The following GRK7 variants were observed in gnomAD, a reference collection of about 807,000 sequenced individuals.
The protein encoded by GRK7 is G protein-coupled receptor kinase 7.
GRK7 carries 24 observed loss-of-function variants against 34.1 expected under a neutral mutation model. That is an observed-to-expected ratio of 0.70 (90% CI 0.51 to 0.99). The LOEUF is 0.99. Among genes scored for constraint, GRK7 ranks in the 50% least tolerant of loss-of-function variants. The pLI is 0.00. For missense variants in GRK7, 644 were observed against 707.3 expected (o/e 0.91, Z 1.02); for synonymous variants, 256 against 279.4 (o/e 0.92, Z 0.84).
At chr3:141,781,035 G>A (rs1432991509) in intron 4 of GRK7, among the ~76,000 whole-genome samples, 3 of 152,288 alleles carry the variant, frequency 2.0e-5, no homozygotes, top group African/African-American at 7.2e-5. Context: ...GGATGGGGGA[G>A]CCTCCTTTGT....
At chr3:141,757,129 C>CT in the GRK7 span, among the ~76,000 whole-genome samples, 509 of 101,280 alleles carry the variant, frequency 5.0e-3, 1 homozygote, top group Non-Finnish European at 6.2e-3. Flanking sequence ...AGATCTTCTT[C>CT]TTTTTTTTTT....
the GRK7 span, among the ~76,000 whole-genome samples, chr3:141,755,028 A>C: frequency 1.3e-5 from 2 of 152,224 alleles, no homozygotes; most frequent in African/African-American, 4.8e-5. Context: ...ATGATGTTAC[A>C]TAAGCTGTAA....
At chr3:141,777,725 C>T (rs1300151061) in intron 2 of GRK7, among the ~76,000 whole-genome samples, 3 of 151,790 alleles carry the variant, frequency 2.0e-5, no homozygotes, top group African/African-American at 4.8e-5. Flanking sequence ...GAACACATCT[C>T]GGGACTCAAA....
chr3:141,799,259 G>A (rs1181796788), intron 4 of GRK7, among the ~76,000 whole-genome samples: 1 of 152,166 alleles, frequency 6.6e-6, no homozygotes, highest in Non-Finnish European at 1.5e-5. Context: ...AGGGAACTTG[G>A]AGGGGTAAGA....
chr3:141,813,126 G>A (rs1297928700), intron 5 of GRK7, among the ~76,000 whole-genome samples: 1 of 151,834 alleles, frequency 6.6e-6, no homozygotes, highest in Admixed American at 6.6e-5. Context: ...TTGTTCGTTT[G>A]TTTGTTTGTT....
chr3:141,790,856 G>T (rs562588473), intron 4 of GRK7, among the ~76,000 whole-genome samples: 2 of 151,874 alleles, frequency 1.3e-5, no homozygotes, highest in Non-Finnish European at 2.9e-5. Flanking sequence ...AAGCCACCGC[G>T]CCCGGTCAAC....
At chr3:141,757,129 C>CTTTTTTTTTCT in the GRK7 span, among the ~76,000 whole-genome samples, 1 of 101,362 alleles carries the variant, frequency 9.9e-6, no homozygotes, top group Non-Finnish European at 1.9e-5. Context: ...AGATCTTCTT[C>CTTTTTTTTTCT]TTTTTTTTTT....
chr3:141,757,392 G>C, the GRK7 span, among the ~76,000 whole-genome samples: 2 of 134,414 alleles, frequency 1.5e-5, no homozygotes, highest in African/African-American at 5.6e-5. Context: ...CTATGAGTGA[G>C]AATATGCGGT....
At chr3:141,789,723 GT>G (rs2084714789) in intron 4 of GRK7, among the ~76,000 whole-genome samples, 1 of 149,616 alleles carries the variant, frequency 6.7e-6, no homozygotes, top group African/African-American at 2.5e-5. Flanking sequence ...GGTTTGAAAA[GT>G]TTAAAACCTT....
At chr3:141,756,003 C>A in the GRK7 span, among the ~76,000 whole-genome samples, 1 of 126,652 alleles carries the variant, frequency 7.9e-6, no homozygotes. Flanking sequence ...CACTACTCAG[C>A]AGTTTAAAAA....
intron 4 of GRK7, among the ~76,000 whole-genome samples, chr3:141,802,658 T>C (rs1710982641): frequency 1.3e-5 from 2 of 152,188 alleles, no homozygotes. Context: ...CCCCTCCACT[T>C]TCAGAGCTGG....
chr3:141,804,580 C>T (rs932785487), intron 4 of GRK7, among the ~76,000 whole-genome samples: 3 of 148,622 alleles, frequency 2.0e-5, no homozygotes, highest in African/African-American at 5.2e-5. Context: ...TACACATACA[C>T]ACATACACAT....
intron 4 of GRK7, among the ~76,000 whole-genome samples, chr3:141,786,327 G>A (rs908911722): frequency 1.3e-5 from 2 of 152,146 alleles, no homozygotes; most frequent in African/African-American, 2.4e-5. Context: ...CAATGGTATG[G>A]TAGACAAAAT....
chr3:141,786,296 G>A (rs1269508933), intron 4 of GRK7, among the ~76,000 whole-genome samples: 1 of 152,150 alleles, frequency 6.6e-6, no homozygotes, highest in Non-Finnish European at 1.5e-5. Flanking sequence ...TACAGACATT[G>A]GAACTAAAGA....
rs954372198 is a variant in GRK7, at chr3:141,763,877, A to C, written c.-2076A>C. Among the ~76,000 whole-genome samples the C allele has an allele frequency of 2.6e-5, 4 of 151,932 alleles. No homozygotes were observed. The highest frequency in any genetic ancestry group is 9.7e-5 in the African/African-American group (4 of 41,374). On this transcript the variant is annotated 5_prime_UTR_variant, in exon 1 of 6. Transcript: ENST00000682958. Reference sequence around the variant, plus strand: ...TCCTCCGTCCTCTTCCCTTCCCTACAAATTCCCTCCATTTTGTTTTCCCTA... The same window carrying C: ...TCCTCCGTCCTCTTCCCTTCCCTACCAATTCCCTCCATTTTGTTTTCCCTA...
the GRK7 span, among the ~76,000 whole-genome samples, chr3:141,751,042 C>T: frequency 3.3e-5 from 5 of 152,186 alleles, no homozygotes; most frequent in South Asian, 1.0e-3. Flanking sequence ...AGCGAGACTC[C>T]ATCTCAAAAC....
the GRK7 span, among the ~76,000 whole-genome samples, chr3:141,756,128 G>A: frequency 0.065 from 9,865 of 151,908 alleles, 318 homozygotes; most frequent in South Asian, 0.11. Flanking sequence ...CCCAGCTAAC[G>A]TGGTAAAACC....
At chr3:141,763,081 C>A (rs377658062), upstream of GRK7, among the ~76,000 whole-genome samples, 1 of 152,150 alleles carries the variant, frequency 6.6e-6, no homozygotes, top group East Asian at 1.9e-4. Flanking sequence ...AGAAATCACC[C>A]GTCTTCTGTG....
intron 4 of GRK7, among the ~76,000 whole-genome samples, chr3:141,803,080 C>T (rs1710987458): frequency 6.6e-6 from 1 of 152,184 alleles, no homozygotes; most frequent in Admixed American, 6.6e-5. Context: ...TTATCACTGA[C>T]ATTTTTAACA....
Sources: gnomAD v4.1 joint callset for allele counts (sites outside exome capture counted in the v4.1 genomes callset) on GRCh38, gnomAD v4.1.1 for gene constraint, MANE v1.5 for transcripts, NCBI Gene and HGNC (gene_info 2026-07-23, HGNC 2026-07-21) for gene names.